ADPGK: variants seen among roughly 807,000 people sequenced by gnomAD.
The protein encoded by ADPGK is ADP dependent glucokinase.
ADPGK carries 26 observed loss-of-function variants against 42.4 expected under a neutral mutation model. The observed-to-expected ratio is 0.61, with a 90% confidence interval of 0.45 to 0.85. The LOEUF is 0.85. Ranked by LOEUF, ADPGK falls within the 40% of genes least tolerant of loss-of-function variation. The pLI, the probability that ADPGK is intolerant of heterozygous loss-of-function variation, is 0.00. For synonymous variants in ADPGK, 267 were observed against 252.6 expected (o/e 1.06, Z -0.54); for missense variants, 571 against 627.0 (o/e 0.91, Z 0.95).
In ADPGK at chr15:72,774,285, G is replaced by A. The variant is rs77189517; in HGVS notation, c.459+587C>T. Among the ~76,000 whole-genome samples, 29 of 152,278 alleles carry A rather than the reference G, an allele frequency of 1.9e-4. No homozygotes were observed. The East Asian group carries it at 5.4e-3, about 28-fold the overall frequency. ...AGCCAAAGGGAGGTTTAAATGAGGA[G>A]GAAGAATGGGGTGGGGGCAAGACAT... On this transcript the variant is annotated intron_variant, in intron 2 of 6. Transcript: ENST00000456471.
chr15:72,782,565 A>C (rs2066476688), intron 1 of ADPGK, among the ~76,000 whole-genome samples: 1 of 149,620 alleles, frequency 6.7e-6, no homozygotes, highest in East Asian at 1.9e-4. Flanking sequence ...AATTATAGCT[A>C]ATATCGAATG....
Position 72,755,539 on chromosome 15 carries a change from T to C in ADPGK, c.939+17A>G, listed in dbSNP as rs2066100280. The C allele has an allele frequency of 1.3e-6, 2 of 1,594,348 alleles. No individual in the cohort carries two copies. Among genetic ancestry groups the C allele is most frequent in the African/African-American group, 2.7e-5 (2 of 74,434 alleles). On this transcript the variant is annotated intron_variant, in intron 6 of 6. Coordinates refer to ENST00000456471, the MANE Select transcript of ADPGK (RefSeq NM_001365225.1). ...CTCTATGAGGATCAGGGCCAAACGATGGTCCCATGAGGTTACCTGATGGAC... is the reference window on the plus strand; with the variant it reads ...CTCTATGAGGATCAGGGCCAAACGACGGTCCCATGAGGTTACCTGATGGAC...
chr15:72,767,298 CAG>C (rs2066272544), intron 3 of ADPGK, among the ~76,000 whole-genome samples: 1 of 148,764 alleles, frequency 6.7e-6, no homozygotes, highest in Non-Finnish European at 1.5e-5. Flanking sequence ...CAAAAAGTTA[CAG>C]AACTATAAAG....
chr15:72,756,225 G>C (rs564804353), intron 5 of ADPGK, 26 bp downstream of exon 5: 1 of 1,612,544 alleles, frequency 6.2e-7, no homozygotes, highest in East Asian at 2.2e-5. Context: ...GCTGAGATCT[G>C]TGAAATTCTG....
At position 72,774,898 on chromosome 15, in the gene ADPGK, C is replaced by G. The variant is rs761422110; in HGVS notation, c.433G>C (p.Val145Leu). The G allele has an allele frequency of 6.2e-7, 1 of 1,613,658 alleles. No individual in the cohort carries two copies. Among genetic ancestry groups the G allele is most frequent in the Non-Finnish European group, 8.5e-7 (1 of 1,179,544 alleles). Residue 145 changes from valine to leucine, a missense_variant, in exon 2 of 7, where the codon GTT becomes CTT. Around this residue, in one of 2 missense-constraint regions of ADPGK, gnomAD observed 434 missense variants for 522.7 expected, o/e 0.83. Coordinates refer to ENST00000456471, the MANE Select transcript of ADPGK (RefSeq NM_001365225.1). ...TGGGCTCCTGGGAACTCTGATGCAA[C>G]CTGGGCAATGTCGTGAAAAGTTTCC... ...DKETFHDIAQ[V>L]ASEFPGAQHY...
chr15:72,783,146 G>T (rs1595810542), intron 1 of ADPGK: 5 of 1,016,282 alleles, frequency 4.9e-6, no homozygotes, highest in East Asian at 4.3e-5. Flanking sequence ...AACAACAGTC[G>T]CCAGAAGAGA....
intron 4 of ADPGK, chr15:72,758,584 G>T: frequency 9.1e-6 from 2 of 219,032 alleles, no homozygotes; most frequent in Non-Finnish European, 1.9e-5. Flanking sequence ...AAAGTTTAAT[G>T]GAAGTCCACT....
intron 4 of ADPGK, chr15:72,756,894 A>G (rs1024431770): frequency 3.8e-5 from 6 of 159,126 alleles, no homozygotes; most frequent in African/African-American, 1.4e-4. Context: ...TTGGAACTTA[A>G]GCAGGCTGAA....
rs905425142 is a variant in ADPGK at position 72,766,858 on chromosome 15, T to G, written c.522+4925A>C. 5.4e-5 allele frequency among the ~76,000 whole-genome samples: 8 copies of G among 148,128 alleles called. 1 individual carries two copies. The highest frequency in any genetic ancestry group is 1.2e-4 in the Non-Finnish European group (8 of 66,444). ...AATCATAGAAAATAATCCAAAAGAG[T>G]ACAGAAAAAGAGGGACAAAGATAGA... On this transcript the variant is annotated intron_variant, in intron 3 of 6. Transcript: ENST00000456471.
At position 72,754,140 on chromosome 15, in the gene ADPGK, C is replaced by T. The variant is rs536515790; in HGVS notation, c.940-1245G>A. On this transcript the variant is annotated intron_variant, in intron 6 of 6. Transcript: ENST00000456471. ...CCAACGACAGTCAGCCCTCCATATC[C>T]ATGGCTTCAACCAACTTCAGATGGA... is the stretch of plus-strand genomic sequence containing the variant. 4.6e-5 allele frequency among the ~76,000 whole-genome samples: 7 copies of T among 151,686 alleles called. No individual in the cohort carries two copies. In the East Asian group the frequency reaches 1.4e-3, roughly 29 times the overall value.
intron 1 of ADPGK, 67 bp downstream of exon 1, chr15:72,783,392 C>T: frequency 1.5e-6 from 2 of 1,312,346 alleles, no homozygotes; most frequent in South Asian, 4.4e-5. Context: ...CCTGTTTCTG[C>T]GCGGCTCCGC....
intron 4 of ADPGK, 171 bp downstream of exon 4, chr15:72,760,236 G>A (rs2066174743): frequency 2.6e-6 from 2 of 758,900 alleles, no homozygotes; most frequent in Admixed American, 3.0e-5. Context: ...TCTCCCTTGA[G>A]ACAACGGCCA....
Position 72,783,745 on chromosome 15 carries a change from C to A in ADPGK, c.-54G>T, listed in dbSNP as rs1191917780. 1 of 1,393,576 alleles carries A rather than the reference C, an allele frequency of 7.2e-7. No individual in the cohort carries two copies. The highest frequency in any genetic ancestry group is 1.5e-5 in the South Asian group (1 of 64,702). The allele number at this position is 1,393,576 out of a possible 1,614,324, so 86.3% of individuals were successfully genotyped here. ...CCAACTCCTTTCCTAGCCCGCGCCT[C>A]TTCCGGGCTCGGCGCGCGCCGATGT... On this transcript the variant is annotated 5_prime_UTR_variant, in exon 1 of 7. Coordinates refer to ENST00000456471, the MANE Select transcript of ADPGK (RefSeq NM_001365225.1).
intron 1 of ADPGK, among the ~76,000 whole-genome samples, chr15:72,778,949 C>T (rs1377443305): frequency 1.3e-5 from 2 of 152,120 alleles, no homozygotes; most frequent in Non-Finnish European, 2.9e-5. Flanking sequence ...GCGGTAAGAT[C>T]GCTAATTAGT....
chr15:72,776,544 A>T (rs2066394774), intron 1 of ADPGK, among the ~76,000 whole-genome samples: 5 of 152,270 alleles, frequency 3.3e-5, no homozygotes, highest in Admixed American at 3.3e-4. Flanking sequence ...GTCTCTTTCA[A>T]AAATGAAGAG....
Position 72,751,461 on chromosome 15 carries a change from G to C in ADPGK, c.*880C>G, listed in dbSNP as rs2066044795. On this transcript the variant is annotated 3_prime_UTR_variant, in exon 7 of 7. Transcript: ENST00000456471. The stretch of plus-strand genomic sequence containing the variant: ...TATATAACATGACAAATTTACTGAT[G>C]ATCCTGGAGCTCTGAGGTCAAACTC... 1 of 152,590 alleles carries C rather than the reference G, an allele frequency of 6.6e-6. No homozygotes were observed. The highest frequency in any genetic ancestry group is 1.5e-5 in the Non-Finnish European group (1 of 68,042). The allele number at this position is 152,590 out of a possible 1,614,324, so 9.5% of individuals were successfully genotyped here. A position where few individuals can be genotyped will look rare whatever the true frequency, so the allele number is the denominator to read the frequency against.
At chr15:72,776,144 A>C (rs1027674402) in intron 1 of ADPGK, among the ~76,000 whole-genome samples, 6 of 152,224 alleles carry the variant, frequency 3.9e-5, no homozygotes, top group African/African-American at 1.2e-4. Context: ...TGGATGCTCA[A>C]CTTGTACTAA....
intron 3 of ADPGK, among the ~76,000 whole-genome samples, chr15:72,768,907 G>T (rs2066293123): frequency 6.6e-6 from 1 of 150,944 alleles, no homozygotes; most frequent in Admixed American, 6.6e-5. Flanking sequence ...CCAGGAGGCA[G>T]AGGTTGCAGT....
Position 72,772,530 on chromosome 15 carries a change from C to A in ADPGK, c.460-685G>T, listed in dbSNP as rs144642482. ...CTGACATCTCAGCCTTCACAACCGC[C>A]CTCACCAGATAGGATTACAGATCTC... is the stretch of plus-strand genomic sequence containing the variant. On this transcript the variant is annotated intron_variant, in intron 2 of 6. Coordinates refer to ENST00000456471, the MANE Select transcript of ADPGK (RefSeq NM_001365225.1). Among the ~76,000 whole-genome samples, 1,011 of 152,282 alleles carry A rather than the reference C, an allele frequency of 6.6e-3. 9 individuals carry two copies. Among genetic ancestry groups the A allele is most frequent in the African/African-American group, 0.023 (969 of 41,552 alleles).
Sources: gnomAD v4.1 joint callset for allele counts (sites outside exome capture counted in the v4.1 genomes callset) on GRCh38, gnomAD v4.1.1 for gene constraint, gnomAD v4.1.1 regional missense constraint, MANE v1.5 for transcripts, NCBI Gene and HGNC (gene_info 2026-07-23, HGNC 2026-07-21) for gene names.